EYS: variants seen among roughly 807,000 people sequenced by gnomAD.
The protein encoded by EYS is protein eyes shut homolog.
Under a neutral mutation model 282.1 loss-of-function variants are expected in EYS, and 250 were observed. That is an observed-to-expected ratio of 0.89 (90% CI 0.80 to 0.98). EYS has a LOEUF of 0.98. EYS is among the 50% of genes least tolerant of loss of function. The pLI, the probability that EYS is intolerant of heterozygous loss-of-function variation, is 0.00. For missense variants in EYS, 4,016 were observed against 3,709.0 expected (o/e 1.08, Z -2.15); for synonymous variants, 1,355 against 1,282.9 (o/e 1.06, Z -1.20).
chr6:64,741,748 G>A (rs1205588886), intron 22 of EYS, among the ~76,000 whole-genome samples: 2 of 152,152 alleles, frequency 1.3e-5, no homozygotes, highest in Non-Finnish European at 2.9e-5. Flanking sequence ...AGCAACCACT[G>A]CTGGCTTCAG....
chr6:65,011,630 G>A (rs923984858), intron 13 of EYS, among the ~76,000 whole-genome samples: 1 of 152,176 alleles, frequency 6.6e-6, no homozygotes, highest in Non-Finnish European at 1.5e-5. Context: ...ATTTCCTGTT[G>A]AGAGGGGGAA....
chr6:65,318,940 G>GC (rs1769392331), intron 11 of EYS, among the ~76,000 whole-genome samples: 1 of 150,674 alleles, frequency 6.6e-6, no homozygotes. Flanking sequence ...CTGCGCCCAG[G>GC]CTGGTCATAG....
chr6:64,181,620 A>G (rs1211238310), intron 31 of EYS, among the ~76,000 whole-genome samples: 1 of 152,128 alleles, frequency 6.6e-6, no homozygotes, highest in Non-Finnish European at 1.5e-5. Context: ...CTTAGGAGAC[A>G]CATAACATTT....
chr6:64,111,678 G>T (rs979448588), intron 31 of EYS, among the ~76,000 whole-genome samples: 1 of 152,030 alleles, frequency 6.6e-6, no homozygotes, highest in African/African-American at 2.4e-5. Flanking sequence ...TGGTGGCCAT[G>T]AATTTATAGT....
intron 22 of EYS, among the ~76,000 whole-genome samples, chr6:64,630,951 T>C (rs1047317221): frequency 6.6e-6 from 1 of 152,202 alleles, no homozygotes. Flanking sequence ...TACGTATTTA[T>C]TCACTTTATA....
At chr6:63,953,417 A>T (rs1334120859) in intron 35 of EYS, among the ~76,000 whole-genome samples, 1 of 152,084 alleles carries the variant, frequency 6.6e-6, no homozygotes, top group African/African-American at 2.4e-5. Context: ...TGTTCTCAGA[A>T]GGATATCGTG....
At chr6:64,447,728 T>C (rs1468182937) in intron 26 of EYS, among the ~76,000 whole-genome samples, 2 of 152,192 alleles carry the variant, frequency 1.3e-5, no homozygotes, top group Non-Finnish European at 2.9e-5. Context: ...AAAGGAAATA[T>C]ATAAGTAGTG....
At chr6:64,333,751 C>CT (rs1304254213) in intron 29 of EYS, among the ~76,000 whole-genome samples, 1 of 152,138 alleles carries the variant, frequency 6.6e-6, no homozygotes, top group Non-Finnish European at 1.5e-5. Flanking sequence ...TTTTATAAAT[C>CT]TTTCAAGGAA....
chr6:63,982,786 T>C (rs1440976296), intron 35 of EYS, among the ~76,000 whole-genome samples: 2 of 151,698 alleles, frequency 1.3e-5, no homozygotes, highest in Non-Finnish European at 3.0e-5. Flanking sequence ...CATAGTAGGG[T>C]ATGTTCACCA....
At chr6:64,724,962 A>G (rs1771705351) in intron 22 of EYS, among the ~76,000 whole-genome samples, 1 of 152,172 alleles carries the variant, frequency 6.6e-6, no homozygotes, top group Admixed American at 6.5e-5. Flanking sequence ...TTTCAACTCT[A>G]GAAACTTAAC....
intron 14 of EYS, among the ~76,000 whole-genome samples, chr6:64,949,386 C>A (rs1017177284): frequency 6.6e-6 from 1 of 151,826 alleles, no homozygotes; most frequent in Non-Finnish European, 1.5e-5. Context: ...ACTCAGATCT[C>A]ATTTTCTTGC....
Position 63,742,547 on chromosome 6 carries a change from T to G in EYS, c.8072-15867A>C, listed in dbSNP as rs992988759. ...TTACTTTCTTTGAGTACATTTTGAT[T>G]CCTTTCTCACTCATTTTTTGAGTAC... On this transcript the variant is annotated intron_variant, in intron 41 of 42. Transcript: ENST00000503581. Among the ~76,000 whole-genome samples, 6 of 152,306 alleles carry G rather than the reference T, an allele frequency of 3.9e-5. No individual in the cohort carries two copies. The South Asian group carries it at 6.2e-4, about 16-fold the overall frequency.
At chr6:64,269,319 A>G (rs1488320738) in intron 30 of EYS, among the ~76,000 whole-genome samples, 2 of 152,138 alleles carry the variant, frequency 1.3e-5, no homozygotes, top group Non-Finnish European at 1.5e-5. Flanking sequence ...AATCAGTGCG[A>G]CTAACATAGA....
intron 22 of EYS, among the ~76,000 whole-genome samples, chr6:64,724,052 T>C (rs553232956): frequency 3.4e-4 from 51 of 151,864 alleles, no homozygotes; most frequent in Non-Finnish European, 6.2e-4. Context: ...TGTCTCATAA[T>C]GTTATAATCA....
intron 31 of EYS, among the ~76,000 whole-genome samples, chr6:64,160,390 T>G (rs1775067623): frequency 6.6e-6 from 1 of 152,192 alleles, no homozygotes; most frequent in Non-Finnish European, 1.5e-5. Flanking sequence ...TCTTAAGAAA[T>G]TATATCGATT....
chr6:64,036,346 A>C (rs758226528), intron 33 of EYS, among the ~76,000 whole-genome samples: 15 of 152,178 alleles, frequency 9.9e-5, no homozygotes, highest in Non-Finnish European at 2.2e-4. Flanking sequence ...GGCCTTAATA[A>C]TCATACAAAT....
intron 31 of EYS, among the ~76,000 whole-genome samples, chr6:64,175,220 T>C (rs1764590263): frequency 6.6e-6 from 1 of 152,202 alleles, no homozygotes; most frequent in Non-Finnish European, 1.5e-5. Context: ...TCTATGCCTC[T>C]ATTTGATATT....
intron 24 of EYS, among the ~76,000 whole-genome samples, chr6:64,610,939 G>T (rs1767094056): frequency 6.6e-6 from 1 of 151,896 alleles, no homozygotes; most frequent in Non-Finnish European, 1.5e-5. Context: ...TCACTGTGTT[G>T]CTTAGAAATG....
intron 2 of EYS, among the ~76,000 whole-genome samples, chr6:65,576,032 A>C (rs1018240206): frequency 6.6e-6 from 1 of 152,120 alleles, no homozygotes; most frequent in African/African-American, 2.4e-5. Context: ...TTCTTCTCAA[A>C]CTCCTCCAAA....
Sources: gnomAD v4.1 joint callset for allele counts (sites outside exome capture counted in the v4.1 genomes callset) on GRCh38, gnomAD v4.1.1 for gene constraint, MANE v1.5 for transcripts, NCBI Gene and HGNC (gene_info 2026-07-23, HGNC 2026-07-21) for gene names.